Variants in TMEM117 observed in about 807,000 individuals in gnomAD.
TMEM117 encodes the protein transmembrane protein 117.
TMEM117 carries 27 observed loss-of-function variants against 52.4 expected under a neutral mutation model. The observed-to-expected ratio is 0.51, with a 90% CI of 0.38 to 0.71. The LOEUF (loss-of-function observed/expected upper bound fraction) is 0.71, where lower values mean the gene tolerates loss of function less well. Ranked by LOEUF, TMEM117 falls within the 30% of genes least tolerant of loss-of-function variation. TMEM117 has a pLI of 0.00. For missense variants in TMEM117, 556 were observed against 630.5 expected (o/e 0.88, Z 1.26); for synonymous variants, 215 against 206.3 (o/e 1.04, Z -0.36).
At chr12:44,105,112 TA>T in intron 3 of TMEM117, among the ~76,000 whole-genome samples, 1 of 152,104 alleles carries the variant, frequency 6.6e-6, no homozygotes, top group South Asian at 2.1e-4. Context: ...AAGCTTACAT[TA>T]CACCTTTTAT....
intron 2 of TMEM117, among the ~76,000 whole-genome samples, chr12:43,874,162 G>A (rs1943752800): frequency 6.6e-6 from 1 of 151,828 alleles, no homozygotes; most frequent in Non-Finnish European, 1.5e-5. Context: ...TAACATTGTA[G>A]GAAGGAATGA....
intron 3 of TMEM117, among the ~76,000 whole-genome samples, chr12:44,107,640 A>G (rs1384332663): frequency 6.6e-6 from 1 of 152,122 alleles, no homozygotes; most frequent in East Asian, 1.9e-4. Flanking sequence ...ACTATTTCTA[A>G]TGAAGAATAT....
At chr12:44,382,574 A>G (rs543068499) in intron 7 of TMEM117, among the ~76,000 whole-genome samples, 4 of 152,252 alleles carry the variant, frequency 2.6e-5, no homozygotes, top group South Asian at 2.1e-4. Flanking sequence ...ACAGTTCCCA[A>G]TCTCAAGAAA....
At chr12:43,981,905 C>T (rs1377828186) in intron 3 of TMEM117, among the ~76,000 whole-genome samples, 1 of 151,978 alleles carries the variant, frequency 6.6e-6, no homozygotes, top group Non-Finnish European at 1.5e-5. Context: ...CAGAGAGTTA[C>T]AATTAGATAG....
chr12:43,809,418 A>G, the TMEM117 span, among the ~76,000 whole-genome samples: 1 of 152,216 alleles, frequency 6.6e-6, no homozygotes, highest in African/African-American at 2.4e-5. Context: ...CTCTTGTTAT[A>G]TGTCATACCC....
At chr12:43,865,371 A>G (rs1004307697) in intron 2 of TMEM117, among the ~76,000 whole-genome samples, 131 of 152,310 alleles carry the variant, frequency 8.6e-4, no homozygotes, top group African/African-American at 3.1e-3. Context: ...TCCTTGGGCT[A>G]TAGGAGTTGC....
intron 3 of TMEM117, among the ~76,000 whole-genome samples, chr12:44,036,538 T>C (rs1946712983): frequency 6.6e-6 from 1 of 152,252 alleles, no homozygotes; most frequent in African/African-American, 2.4e-5. Flanking sequence ...TTTATTTTTC[T>C]GAGATATAGC....
At chr12:44,036,439 A>G (rs1592460924) in intron 3 of TMEM117, among the ~76,000 whole-genome samples, 1 of 152,314 alleles carries the variant, frequency 6.6e-6, no homozygotes, top group Non-Finnish European at 1.5e-5. Flanking sequence ...TTTATCAGGT[A>G]TAAATGCATT....
chr12:44,096,784 C>T (rs908191732), intron 3 of TMEM117, among the ~76,000 whole-genome samples: 18 of 152,126 alleles, frequency 1.2e-4, no homozygotes, highest in Non-Finnish European at 2.1e-4. Context: ...TAGGCAATAC[C>T]ATTCAGGACA....
At chr12:44,332,433 G>A (rs994688286) in intron 6 of TMEM117, among the ~76,000 whole-genome samples, 2 of 152,060 alleles carry the variant, frequency 1.3e-5, no homozygotes, top group East Asian at 3.9e-4. Context: ...AGAAAACCAA[G>A]TGGGCTTATT....
At chr12:44,316,957 C>T (rs2138687544) in intron 6 of TMEM117, among the ~76,000 whole-genome samples, 1 of 149,648 alleles carries the variant, frequency 6.7e-6, no homozygotes, top group African/African-American at 2.4e-5. Context: ...ATGTTTATCT[C>T]CTTCTTCATT....
At chr12:44,338,245 TA>T (rs2095496773) in intron 6 of TMEM117, among the ~76,000 whole-genome samples, 1 of 152,080 alleles carries the variant, frequency 6.6e-6, no homozygotes, top group South Asian at 2.1e-4. Flanking sequence ...TGAAACTGAT[TA>T]AAGATTATAC....
chr12:43,917,378 C>T (rs1944623644), intron 2 of TMEM117, among the ~76,000 whole-genome samples: 1 of 152,132 alleles, frequency 6.6e-6, no homozygotes. Context: ...AGAATGCTAA[C>T]TCACCTTGAG....
chr12:44,056,398 G>A (rs1197439031), intron 3 of TMEM117, among the ~76,000 whole-genome samples: 1 of 152,114 alleles, frequency 6.6e-6, no homozygotes, highest in Non-Finnish European at 1.5e-5. Context: ...GTTGGGAAAG[G>A]TGCTCCCAAT....
chr12:43,859,213 C>T (rs138626681), intron 2 of TMEM117, among the ~76,000 whole-genome samples: 2 of 152,122 alleles, frequency 1.3e-5, no homozygotes, highest in Non-Finnish European at 2.9e-5. Context: ...ACAACTCCAG[C>T]GGAATTCTGT....
chr12:44,311,721 A>G (rs1950977782), intron 6 of TMEM117, among the ~76,000 whole-genome samples: 1 of 142,344 alleles, frequency 7.0e-6, no homozygotes. Flanking sequence ...TATTAAATAT[A>G]TATATGTATA....
chr12:43,966,053 G>A (rs562559770), intron 3 of TMEM117, among the ~76,000 whole-genome samples: 1 of 152,306 alleles, frequency 6.6e-6, no homozygotes, highest in Non-Finnish European at 1.5e-5. Context: ...GCCTCTAGCT[G>A]CACCCATGTT....
chr12:44,102,450 C>G (rs1379576524), intron 3 of TMEM117, among the ~76,000 whole-genome samples: 1 of 151,774 alleles, frequency 6.6e-6, no homozygotes, highest in Non-Finnish European at 1.5e-5. Flanking sequence ...TTCTTTCATT[C>G]TCTGTCTCTC....
rs1172148248 is a variant in TMEM117, at chr12:43,844,776, C to G, written c.125C>G (p.Ala42Gly). Residue 42 changes from alanine to glycine, a missense_variant, in exon 2 of 8, where the codon GCC becomes GGC. Transcript: ENST00000266534. Reference protein sequence around the residue: ...EDPVSHSQTEANVIVVGNCFS... With the variant: ...EDPVSHSQTEGNVIVVGNCFS... ...CCAGTTTCTCATAGCCAAACAGAAG[C>G]CAATGTTATTGTTGTTGGAAACTGT... 1 of 1,614,018 alleles carries G rather than the reference C, an allele frequency of 6.2e-7. No homozygotes were observed. The highest frequency in any genetic ancestry group is 8.5e-7 in the Non-Finnish European group (1 of 1,180,024).
Sources: gnomAD v4.1 joint callset for allele counts (sites outside exome capture counted in the v4.1 genomes callset) on GRCh38, gnomAD v4.1.1 for gene constraint, MANE v1.5 for transcripts, NCBI Gene and HGNC (gene_info 2026-07-23, HGNC 2026-07-21) for gene names.